The following DNM3 variants were observed in gnomAD, a reference collection of about 807,000 sequenced individuals.
DNM3 encodes dynamin 3.
Under a neutral mutation model 101.6 loss-of-function variants are expected in DNM3, and 47 were observed. That is an observed-to-expected ratio of 0.46 (90% confidence interval 0.37 to 0.59). The LOEUF (loss-of-function observed/expected upper bound fraction) is 0.59. Ranked by LOEUF, DNM3 falls within the 20% of genes least tolerant of loss-of-function variation. The pLI, the probability that DNM3 is intolerant of heterozygous loss-of-function variation, is 0.00. For synonymous variants in DNM3, 385 were observed against 387.9 expected, an observed-to-expected ratio of 0.99 and a Z score of 0.09; for missense variants, 849 against 1,085.7, an observed-to-expected ratio of 0.78 and a Z score of 3.06.
rs187781431 is a variant in DNM3, at chr1:171,909,936, G to A, written c.162-11812G>A. 2.2e-3 allele frequency among the ~76,000 whole-genome samples: 328 copies of A among 152,252 alleles called. 1 individual carries two copies. Among genetic ancestry groups the A allele is most frequent in the African/African-American group, 7.2e-3 (300 of 41,552 alleles). On this transcript the variant is annotated intron_variant, in intron 1 of 20. Coordinates refer to ENST00000627582, the MANE Select transcript of DNM3 (RefSeq NM_015569.5). Reference sequence around the variant, plus strand: ...TGGCTAGAAATAACACTTGCCACACGCTTGTGGAATACTCTGGATGCCAGG... The same window carrying A: ...TGGCTAGAAATAACACTTGCCACACACTTGTGGAATACTCTGGATGCCAGG...
chr1:171,911,273 CTTTTTTTTTTT>C (rs151321245), intron 1 of DNM3, among the ~76,000 whole-genome samples: 2 of 90,752 alleles, frequency 2.2e-5, no homozygotes, highest in African/African-American at 4.3e-5. Flanking sequence ...ACCCCAACAT[CTTTTTTTTTTT>C]TTTTTTTTTT....
chr1:172,413,995 A>C (rs937368762), downstream of DNM3, among the ~76,000 whole-genome samples: 1 of 152,214 alleles, frequency 6.6e-6, no homozygotes, highest in African/African-American at 2.4e-5. Flanking sequence ...TAGTTTCTAA[A>C]GGTAATTTCC....
chr1:171,940,676 C>G (rs974096112), intron 2 of DNM3, among the ~76,000 whole-genome samples: 3 of 152,172 alleles, frequency 2.0e-5, no homozygotes, highest in Non-Finnish European at 2.9e-5. Flanking sequence ...AGTCTTTAAT[C>G]TAAGGCATAT....
At chr1:171,922,330 A>G (rs1354134909) in intron 2 of DNM3, among the ~76,000 whole-genome samples, 3 of 151,976 alleles carry the variant, frequency 2.0e-5, no homozygotes, top group South Asian at 2.1e-4. Context: ...TTTTCATTTT[A>G]TTTCAGCAAC....
At chr1:172,228,174 T>C (rs78183233) in intron 14 of DNM3, among the ~76,000 whole-genome samples, 4,281 of 152,178 alleles carry the variant, frequency 0.028, 165 homozygotes, top group African/African-American at 0.089. Flanking sequence ...TATGAGTCTT[T>C]TATAGTTTCA....
At chr1:172,208,817 A>G (rs941889740) in intron 14 of DNM3, among the ~76,000 whole-genome samples, 12 of 152,232 alleles carry the variant, frequency 7.9e-5, no homozygotes, top group African/African-American at 2.9e-4. Flanking sequence ...TCAGATGACA[A>G]TGCAGATTTC....
intron 4 of DNM3, among the ~76,000 whole-genome samples, chr1:172,019,867 T>C (rs1236036365): frequency 6.6e-6 from 1 of 152,166 alleles, no homozygotes; most frequent in Admixed American, 6.5e-5. Flanking sequence ...CATCTGTTTT[T>C]GTAGGCTGTA....
intron 15 of DNM3, among the ~76,000 whole-genome samples, chr1:172,254,945 T>G (rs1042105708): frequency 6.6e-6 from 1 of 152,106 alleles, no homozygotes; most frequent in African/African-American, 2.4e-5. Context: ...TTTAACCCAT[T>G]TTTTGAGGCT....
chr1:172,164,350 G>C (rs1284635059), intron 14 of DNM3, among the ~76,000 whole-genome samples: 5 of 151,124 alleles, frequency 3.3e-5, no homozygotes, highest in African/African-American at 1.2e-4. Context: ...ATTACAGCCA[G>C]AGGATCAGAA....
intron 9 of DNM3, among the ~76,000 whole-genome samples, chr1:172,046,468 A>T (rs1203844826): frequency 6.6e-6 from 1 of 152,058 alleles, no homozygotes; most frequent in Admixed American, 6.6e-5. Flanking sequence ...TGACGAGTTA[A>T]TGGGTGCAGC....
chr1:171,913,928 A>T lies in DNM3; in HGVS notation c.162-7820A>T, dbSNP rs189332248. Reference sequence around the variant, plus strand: ...CTCAGGCTCCCGAGTAGCTGGGACTACAGGCTCAAGCCACCATGCCCAGCT... The same window carrying T: ...CTCAGGCTCCCGAGTAGCTGGGACTTCAGGCTCAAGCCACCATGCCCAGCT... On this transcript the variant is annotated intron_variant, in intron 1 of 20. Coordinates refer to ENST00000627582, the MANE Select transcript of DNM3 (RefSeq NM_015569.5). Among the ~76,000 whole-genome samples, 446 of 151,980 alleles carry T rather than the reference A, an allele frequency of 2.9e-3. 2 individuals carry two copies. The highest frequency in any genetic ancestry group is 5.6e-3 in the Admixed American group (86 of 15,264).
At chr1:171,970,741 G>A (rs1373612930) in intron 2 of DNM3, among the ~76,000 whole-genome samples, 3 of 104,540 alleles carry the variant, frequency 2.9e-5, no homozygotes, top group Non-Finnish European at 7.3e-5. Flanking sequence ...ATGATGTTGT[G>A]TATACAACTA....
At chr1:172,284,786 T>A (rs1488347391) in intron 15 of DNM3, among the ~76,000 whole-genome samples, 1 of 152,186 alleles carries the variant, frequency 6.6e-6, no homozygotes, top group Non-Finnish European at 1.5e-5. Context: ...TTATCCATGA[T>A]TTTTATGTAA....
At chr1:172,115,324 C>A (rs117018079) in intron 13 of DNM3, among the ~76,000 whole-genome samples, 1 of 152,250 alleles carries the variant, frequency 6.6e-6, no homozygotes, top group East Asian at 1.9e-4. Context: ...CTGCCCATTA[C>A]CACCACCCTG....
chr1:172,218,698 A>G (rs2060795245), intron 14 of DNM3, among the ~76,000 whole-genome samples: 1 of 152,150 alleles, frequency 6.6e-6, no homozygotes, highest in Non-Finnish European at 1.5e-5. Context: ...TTGCATATCT[A>G]TTGACTGTTG....
chr1:172,361,494 T>C (rs1334512007), intron 17 of DNM3, among the ~76,000 whole-genome samples: 1 of 152,016 alleles, frequency 6.6e-6, no homozygotes, highest in Non-Finnish European at 1.5e-5. Flanking sequence ...ACTCCCCTGC[T>C]TTTCCCAGAC....
intron 1 of DNM3, among the ~76,000 whole-genome samples, chr1:171,855,762 C>T (rs1302208968): frequency 6.6e-6 from 1 of 152,124 alleles, no homozygotes. Flanking sequence ...CTTACAGATG[C>T]TGGATATTAG....
intron 20 of DNM3, among the ~76,000 whole-genome samples, chr1:172,391,634 T>C (rs2069537857): frequency 1.3e-5 from 2 of 152,228 alleles, no homozygotes. Context: ...ATTTTCTCTA[T>C]CAAAAACTTA....
intron 17 of DNM3, among the ~76,000 whole-genome samples, chr1:172,367,199 T>G (rs923827968): frequency 5.3e-5 from 8 of 151,374 alleles, no homozygotes; most frequent in African/African-American, 1.9e-4. Context: ...GGATGATAAA[T>G]TCAAAGCACT....
Sources: allele counts gnomAD v4.1 joint callset (sites outside exome capture counted in the v4.1 genomes callset), GRCh38; gene constraint gnomAD v4.1.1; transcripts MANE v1.5; gene names NCBI Gene and HGNC (gene_info 2026-07-23, HGNC 2026-07-21).